The following AFG2A variants were observed in gnomAD, a reference collection of about 807,000 sequenced individuals.
The protein encoded by AFG2A is ATPase family gene 2 protein homolog A.
the AFG2A span, among the ~76,000 whole-genome samples, chr4:123,252,694 G>A: frequency 6.6e-6 from 1 of 152,150 alleles, no homozygotes; most frequent in African/African-American, 2.4e-5. Context: ...ATTTAGACTT[G>A]TGTAAACCTG....
At chr4:123,073,921 T>G in the AFG2A span, among the ~76,000 whole-genome samples, 1 of 152,314 alleles carries the variant, frequency 6.6e-6, no homozygotes, top group East Asian at 1.9e-4. Flanking sequence ...AGTCACTGAT[T>G]GCAGAAGTTA....
the AFG2A span, among the ~76,000 whole-genome samples, chr4:123,130,864 T>C: frequency 6.6e-6 from 1 of 152,182 alleles, no homozygotes; most frequent in Non-Finnish European, 1.5e-5. Flanking sequence ...TGAACTATAT[T>C]CCCACCAACA....
At chr4:123,002,938 A>G in the AFG2A span, among the ~76,000 whole-genome samples, 2 of 152,202 alleles carry the variant, frequency 1.3e-5, no homozygotes, top group Admixed American at 6.5e-5. Flanking sequence ...ACTTTCAGGT[A>G]CACCAATCAG....
At chr4:122,982,002 T>G in the AFG2A span, among the ~76,000 whole-genome samples, 1 of 152,136 alleles carries the variant, frequency 6.6e-6, no homozygotes, top group Non-Finnish European at 1.5e-5. Flanking sequence ...TTTCTTTTTC[T>G]TGCCTAATTT....
the AFG2A span, among the ~76,000 whole-genome samples, chr4:123,123,440 G>A: frequency 1.3e-5 from 2 of 152,060 alleles, no homozygotes; most frequent in Non-Finnish European, 2.9e-5. Context: ...AGTTCTTGAT[G>A]ATCTTTTATG....
chr4:123,111,176 A>G, the AFG2A span, among the ~76,000 whole-genome samples: 49 of 151,234 alleles, frequency 3.2e-4, no homozygotes, highest in Non-Finnish European at 7.2e-4. Context: ...TTTTTTTTTC[A>G]TTTTACCTTT....
chr4:123,099,169 T>A, the AFG2A span, among the ~76,000 whole-genome samples: 1 of 151,976 alleles, frequency 6.6e-6, no homozygotes, highest in Non-Finnish European at 1.5e-5. Context: ...TTCTGAGAAA[T>A]GTCTATTCAG....
the AFG2A span, among the ~76,000 whole-genome samples, chr4:123,016,363 T>G: frequency 7.6e-6 from 1 of 131,104 alleles, no homozygotes; most frequent in East Asian, 2.4e-4. Flanking sequence ...TCACTTCTCA[T>G]ATGGGGCGGT....
At chr4:122,955,962 C>A in the AFG2A span, among the ~76,000 whole-genome samples, 1 of 152,288 alleles carries the variant, frequency 6.6e-6, no homozygotes, top group South Asian at 2.1e-4. Flanking sequence ...TTGCTTCTTT[C>A]ATTGCATAAG....
the AFG2A span, among the ~76,000 whole-genome samples, chr4:123,010,231 C>G: frequency 6.6e-6 from 1 of 152,180 alleles, no homozygotes; most frequent in Non-Finnish European, 1.5e-5. Context: ...CATTCATTCT[C>G]TTTAATTGCC....
At chr4:122,996,221 A>G in the AFG2A span, among the ~76,000 whole-genome samples, 1 of 152,172 alleles carries the variant, frequency 6.6e-6, no homozygotes, top group Non-Finnish European at 1.5e-5. Flanking sequence ...ATGACCTCTC[A>G]GTTACCAAAG....
the AFG2A span, among the ~76,000 whole-genome samples, chr4:122,924,394 C>T: frequency 1.3e-4 from 20 of 152,302 alleles, no homozygotes; most frequent in East Asian, 3.9e-3. Flanking sequence ...GGAAACTGTT[C>T]CTGGTGTGGT....
At chr4:123,082,514 CTCTTTTT>C in the AFG2A span, among the ~76,000 whole-genome samples, 5 of 108,000 alleles carry the variant, frequency 4.6e-5, no homozygotes, top group East Asian at 2.0e-3. Flanking sequence ...GTCTCTCTCT[CTCTTTTT>C]TCTTTTTTTT....
chr4:123,173,564 C>G, the AFG2A span, among the ~76,000 whole-genome samples: 1 of 151,946 alleles, frequency 6.6e-6, no homozygotes, highest in African/African-American at 2.4e-5. Context: ...CCATGTTGGC[C>G]AGGCTGGTCT....
At chr4:123,108,867 T>G in the AFG2A span, among the ~76,000 whole-genome samples, 3 of 151,408 alleles carry the variant, frequency 2.0e-5, no homozygotes, top group Non-Finnish European at 1.5e-5. Context: ...GCTTAACGCA[T>G]TTTTTTTTAA....
the AFG2A span, among the ~76,000 whole-genome samples, chr4:123,123,735 C>T: frequency 6.6e-6 from 1 of 151,578 alleles, no homozygotes; most frequent in Non-Finnish European, 1.5e-5. Context: ...ATCACGAGGT[C>T]AGGAGATCGA....
chr4:123,108,280 T>C, the AFG2A span, among the ~76,000 whole-genome samples: 1 of 152,228 alleles, frequency 6.6e-6, no homozygotes, highest in South Asian at 2.1e-4. Context: ...ATTTTACATG[T>C]AAATCTTTTA....
the AFG2A span, among the ~76,000 whole-genome samples, chr4:123,077,875 A>G: frequency 5.9e-5 from 9 of 152,212 alleles, no homozygotes; most frequent in African/African-American, 2.2e-4. Flanking sequence ...AGCCATCACC[A>G]CTAATTCCAG....
chr4:123,028,501 T>C, the AFG2A span: 119 of 867,066 alleles, frequency 1.4e-4, 1 homozygote, highest in South Asian at 1.7e-3. Flanking sequence ...TAAGGAGCAG[T>C]GATTCTTTTT....
Sources: allele counts gnomAD v4.1 joint callset (sites outside exome capture counted in the v4.1 genomes callset), GRCh38; gene constraint gnomAD v4.1.1; transcripts MANE v1.5; gene names NCBI Gene and HGNC (gene_info 2026-07-23, HGNC 2026-07-21).